RGS6: variants seen among roughly 807,000 people sequenced by gnomAD.
RGS6 encodes the protein regulator of G-protein signaling 6.
RGS6 carries 30 observed loss-of-function variants against 78.5 expected under a neutral mutation model. The observed-to-expected ratio is 0.38, with a 90% CI of 0.29 to 0.52. The LOEUF is 0.52. Ranked by LOEUF, RGS6 falls within the 20% of genes least tolerant of loss-of-function variation. RGS6 has a pLI of 0.85. For synonymous variants in RGS6, 206 were observed against 206.0 expected (o/e 1.00, Z 0.00); for missense variants, 495 against 609.7 (o/e 0.81, Z 1.98).
At chr14:72,237,572 G>C (rs531228413) in intron 2 of RGS6, among the ~76,000 whole-genome samples, 10 of 152,240 alleles carry the variant, frequency 6.6e-5, no homozygotes, top group Admixed American at 2.6e-4. Flanking sequence ...TTACATAATC[G>C]CTAATTGTTG....
intron 3 of RGS6, among the ~76,000 whole-genome samples, chr14:72,410,516 G>T (rs1484814029): frequency 1.3e-5 from 2 of 152,200 alleles, no homozygotes; most frequent in Non-Finnish European, 1.5e-5. Context: ...CATTCTGTAG[G>T]TTGCCTGTTC....
At chr14:72,438,198 C>T (rs2095028637) in intron 3 of RGS6, among the ~76,000 whole-genome samples, 1 of 152,158 alleles carries the variant, frequency 6.6e-6, no homozygotes, top group Non-Finnish European at 1.5e-5. Context: ...GAGTGAAGCT[C>T]AGGTGACAGG....
chr14:72,602,070 G>A, the RGS6 span, among the ~76,000 whole-genome samples: 5 of 152,198 alleles, frequency 3.3e-5, no homozygotes, highest in South Asian at 2.1e-4. Context: ...GGCTTTACCC[G>A]CATTGCCTCG....
chr14:72,145,145 A>T (rs1179123487), intron 2 of RGS6, among the ~76,000 whole-genome samples: 1 of 152,058 alleles, frequency 6.6e-6, no homozygotes, highest in Non-Finnish European at 1.5e-5. Context: ...TCAAGAACTG[A>T]TGTTAGGTTT....
At chr14:71,960,692 G>A (rs542487547) in intron 1 of RGS6, among the ~76,000 whole-genome samples, 1 of 152,326 alleles carries the variant, frequency 6.6e-6, no homozygotes, top group Non-Finnish European at 1.5e-5. Flanking sequence ...ACACTTGGCT[G>A]TCTCCCACTT....
intron 2 of RGS6, among the ~76,000 whole-genome samples, chr14:72,275,875 T>C (rs6574060): frequency 0.61 from 92,755 of 152,000 alleles, 28,407 homozygotes; most frequent in Non-Finnish European, 0.64. Flanking sequence ...GGAGGGTACC[T>C]CACAGGAGAG....
intron 14 of RGS6, chr14:72,511,606 T>G (rs923530287): frequency 6.6e-6 from 1 of 152,228 alleles, no homozygotes; most frequent in African/African-American, 2.4e-5. Flanking sequence ...CTGAAGTAGT[T>G]AAATCATAAG....
intron 3 of RGS6, among the ~76,000 whole-genome samples, chr14:72,448,060 G>C (rs2095410063): frequency 6.6e-6 from 1 of 152,154 alleles, no homozygotes; most frequent in South Asian, 2.1e-4. Context: ...CCATGAACCA[G>C]GCATTGTGAA....
At chr14:72,212,145 C>T (rs2044329269) in intron 2 of RGS6, among the ~76,000 whole-genome samples, 1 of 152,168 alleles carries the variant, frequency 6.6e-6, no homozygotes, top group Admixed American at 6.5e-5. Context: ...ATTAGAATAG[C>T]TGTGACCGGC....
At chr14:72,413,072 T>A in intron 3 of RGS6, among the ~76,000 whole-genome samples, 1 of 152,228 alleles carries the variant, frequency 6.6e-6, no homozygotes, top group South Asian at 2.1e-4. Flanking sequence ...GTTCTGTAGA[T>A]GTCTATTAGG....
intron 3 of RGS6, among the ~76,000 whole-genome samples, chr14:72,376,769 C>T (rs559226034): frequency 1.5e-4 from 23 of 152,204 alleles, no homozygotes; most frequent in African/African-American, 4.6e-4. Flanking sequence ...TAAAAATTTT[C>T]GCAGACAAGC....
At chr14:72,583,237 T>C in the RGS6 span, among the ~76,000 whole-genome samples, 3 of 152,222 alleles carry the variant, frequency 2.0e-5, no homozygotes, top group Non-Finnish European at 4.4e-5. Context: ...CTAGGTCCCC[T>C]TGTTCTCCAG....
the RGS6 span, chr14:72,620,114 G>C: frequency 2.3e-6 from 2 of 883,570 alleles, no homozygotes; most frequent in Non-Finnish European, 3.3e-6. Flanking sequence ...GCCCCACTTG[G>C]AGTCCTCACT....
intron 13 of RGS6, among the ~76,000 whole-genome samples, chr14:72,508,251 G>A (rs2096833802): frequency 6.6e-6 from 1 of 152,192 alleles, no homozygotes; most frequent in Non-Finnish European, 1.5e-5. Context: ...TGCTGTTGCT[G>A]ATTATGTGTG....
At chr14:72,095,596 A>G (rs754957968) in intron 2 of RGS6, among the ~76,000 whole-genome samples, 1 of 152,212 alleles carries the variant, frequency 6.6e-6, no homozygotes, top group Non-Finnish European at 1.5e-5. Context: ...AAGAAAGTTC[A>G]GAAAATTGGG....
intron 3 of RGS6, among the ~76,000 whole-genome samples, chr14:72,415,556 T>C (rs931779638): frequency 1.3e-5 from 2 of 152,240 alleles, no homozygotes; most frequent in Non-Finnish European, 2.9e-5. Flanking sequence ...CTGCACCCAC[T>C]GTCCAGCACT....
rs914012608 is a variant in RGS6, at chr14:72,058,947, A to G, written c.84+94072A>G. 2.6e-5 allele frequency among the ~76,000 whole-genome samples: 4 copies of G among 152,158 alleles called. No individual in the cohort carries two copies. The South Asian group carries it at 8.3e-4, about 32-fold the overall frequency. ...GAGACAGAGTCTCGCTCTGTTGCCC[A>G]TGATGGAGTACAGTGGTGTGATCTT... On this transcript the variant is annotated intron_variant, in intron 2 of 17. Coordinates refer to ENST00000553525, the MANE Select transcript of RGS6 (RefSeq NM_001204424.2).
intron 2 of RGS6, among the ~76,000 whole-genome samples, chr14:71,973,974 G>T (rs1488269957): frequency 6.6e-6 from 1 of 152,162 alleles, no homozygotes; most frequent in Admixed American, 6.5e-5. Flanking sequence ...GGTTTCATAT[G>T]ATGCATTTTG....
At chr14:72,153,165 G>A (rs2096718773) in intron 2 of RGS6, among the ~76,000 whole-genome samples, 1 of 152,114 alleles carries the variant, frequency 6.6e-6, no homozygotes, top group Non-Finnish European at 1.5e-5. Context: ...CTCTCTGTTG[G>A]GAAACCCTAT....
Sources: gnomAD v4.1 joint callset for allele counts (sites outside exome capture counted in the v4.1 genomes callset) on GRCh38, gnomAD v4.1.1 for gene constraint, MANE v1.5 for transcripts, NCBI Gene and HGNC (gene_info 2026-07-23, HGNC 2026-07-21) for gene names.